Variants in SUMF1 observed in about 807,000 individuals in gnomAD.
The protein encoded by SUMF1 is formylglycine-generating enzyme.
A neutral mutation model predicts 47.6 loss-of-function variants in SUMF1; 48 were observed. The ratio of observed to expected loss-of-function variants is 1.01; its 90% CI spans 0.80 to 1.28. The LOEUF (loss-of-function observed/expected upper bound fraction) is 1.28, where lower values mean the gene tolerates loss of function less well. Ranked by LOEUF, SUMF1 falls within the 50% of genes most tolerant of loss-of-function variation. The pLI, the probability that SUMF1 is intolerant of heterozygous loss-of-function variation, is 0.00. For missense variants in SUMF1, 571 were observed against 485.4 expected (o/e 1.18, Z -1.66); for synonymous variants, 230 against 192.1 (o/e 1.20, Z -1.63).
At chr3:4,350,825 T>C (rs755169608) in intron 8 of SUMF1, among the ~76,000 whole-genome samples, 7 of 152,088 alleles carry the variant, frequency 4.6e-5, no homozygotes, top group Non-Finnish European at 1.0e-4. Context: ...CTGTTTCACC[T>C]ATGGAATAAA....
chr3:4,280,912 T>C (rs1319475868), intron 8 of SUMF1, among the ~76,000 whole-genome samples: 2 of 151,566 alleles, frequency 1.3e-5, no homozygotes, highest in Non-Finnish European at 2.9e-5. Flanking sequence ...GGCACAGTCA[T>C]GTTGGATTAG....
chr3:4,201,766 C>T (rs1468959901), intron 8 of SUMF1, among the ~76,000 whole-genome samples: 1 of 151,944 alleles, frequency 6.6e-6, no homozygotes. Context: ...ACCAACAGTA[C>T]GAGGGTTCCC....
intron 8 of SUMF1, among the ~76,000 whole-genome samples, chr3:4,159,472 CTTTTG>C (rs1694527086): frequency 2.0e-5 from 3 of 150,884 alleles, no homozygotes; most frequent in Admixed American, 1.3e-4. Flanking sequence ...AGTTTTAAAC[CTTTTG>C]TTTTTTCTAT....
intron 3 of SUMF1, among the ~76,000 whole-genome samples, chr3:4,442,887 G>A (rs779364744): frequency 5.3e-5 from 8 of 151,484 alleles, no homozygotes. Context: ...TCTATAAGAA[G>A]TAAGAGAAGA....
rs1333609299 is a variant in SUMF1 at position 4,332,999 on chromosome 3, A to C, written c.1014+43331T>G. On this transcript the variant is annotated intron_variant and NMD_transcript_variant, in intron 8 of 12. Coordinates refer to the SUMF1 transcript ENST00000448413. Reference sequence around the variant, plus strand: ...GGGAGAATCGGCCACTGGATGGCCAAACTCCAGGGGAAGATTATCTTCACA... The same window carrying C: ...GGGAGAATCGGCCACTGGATGGCCACACTCCAGGGGAAGATTATCTTCACA... Among the ~76,000 whole-genome samples the C allele has an allele frequency of 2.0e-5, 3 of 152,140 alleles. No homozygotes were observed. The East Asian group carries it at 5.8e-4, about 29-fold the overall frequency.
chr3:4,371,590 C>A (rs1220612344), intron 8 of SUMF1, among the ~76,000 whole-genome samples: 3 of 152,186 alleles, frequency 2.0e-5, no homozygotes, highest in African/African-American at 7.2e-5. Context: ...ACTCCTTTTG[C>A]TCTTCATCTT....
At chr3:4,339,759 T>C (rs1462998470) in intron 8 of SUMF1, among the ~76,000 whole-genome samples, 1 of 152,076 alleles carries the variant, frequency 6.6e-6, no homozygotes, top group Non-Finnish European at 1.5e-5. Flanking sequence ...TTTGCACCCA[T>C]CCAAATCACC....
At chr3:4,127,756 G>A (rs1693688624) in intron 8 of SUMF1, among the ~76,000 whole-genome samples, 1 of 152,090 alleles carries the variant, frequency 6.6e-6, no homozygotes, top group Non-Finnish European at 1.5e-5. Flanking sequence ...GGTACCAGGA[G>A]TATTTCTAGA....
At chr3:4,263,371 G>A (rs1052985552) in intron 8 of SUMF1, among the ~76,000 whole-genome samples, 1 of 152,180 alleles carries the variant, frequency 6.6e-6, no homozygotes, top group Non-Finnish European at 1.5e-5. Context: ...GTAAAGGTGT[G>A]TGATGTTTTC....
chr3:4,447,402 C>G (rs1575234476), intron 3 of SUMF1, among the ~76,000 whole-genome samples: 1 of 152,112 alleles, frequency 6.6e-6, no homozygotes, highest in African/African-American at 2.4e-5. Context: ...AGATTCAGGT[C>G]TTTCTTTCTA....
intron 2 of SUMF1, among the ~76,000 whole-genome samples, chr3:4,450,457 C>A (rs1702931390): frequency 1.3e-5 from 2 of 152,118 alleles, no homozygotes; most frequent in African/African-American, 4.8e-5. Context: ...TTTCTTCACC[C>A]CTAATCTTCT....
chr3:4,176,022 GA>G (rs1479937288), intron 8 of SUMF1, among the ~76,000 whole-genome samples: 2 of 152,172 alleles, frequency 1.3e-5, no homozygotes, highest in Admixed American at 6.5e-5. Flanking sequence ...AAGCCTCCAA[GA>G]AATATGGGAC....
intron 8 of SUMF1, among the ~76,000 whole-genome samples, chr3:4,082,868 A>C (rs1692596771): frequency 6.6e-6 from 1 of 152,136 alleles, no homozygotes; most frequent in African/African-American, 2.4e-5. Flanking sequence ...AAGTTAAGTC[A>C]ATCTATTTTA....
rs1157139767 is a variant in SUMF1 at position 4,367,879 on chromosome 3, A to C, written c.1015-5625T>G. On this transcript the variant is annotated intron_variant, in intron 8 of 8. Transcript: ENST00000272902. ...TAAACGTTAGACCTAAAGCCATAAA[A>C]ACTCTAGAAGAAAACCTAGGCATTA... Among the ~76,000 whole-genome samples, 18 of 151,958 alleles carry C rather than the reference A, an allele frequency of 1.2e-4. No homozygotes were observed. The South Asian group carries it at 3.8e-3, about 32-fold the overall frequency.
At chr3:4,346,701 A>T (rs1383683234) in intron 8 of SUMF1, among the ~76,000 whole-genome samples, 1 of 150,152 alleles carries the variant, frequency 6.7e-6, no homozygotes, top group Non-Finnish European at 1.5e-5. Flanking sequence ...AAGATGAGAT[A>T]GAGACACAAA....
intron 3 of SUMF1, among the ~76,000 whole-genome samples, chr3:4,440,527 G>A (rs986620312): frequency 2.6e-5 from 4 of 152,112 alleles, no homozygotes; most frequent in South Asian, 4.1e-4. Context: ...TAGAGTTGTC[G>A]TGCAGTTGTG....
chr3:4,144,793 T>C (rs189691455), intron 8 of SUMF1, among the ~76,000 whole-genome samples: 5 of 152,282 alleles, frequency 3.3e-5, no homozygotes, highest in African/African-American at 4.8e-5. Context: ...ATTTTGATTT[T>C]TGAAAAACAG....
At chr3:4,174,077 C>A (rs1253575930) in intron 8 of SUMF1, among the ~76,000 whole-genome samples, 1 of 151,972 alleles carries the variant, frequency 6.6e-6, no homozygotes, top group Non-Finnish European at 1.5e-5. Flanking sequence ...GTTACCCAGG[C>A]CAGGCACGGT....
chr3:4,167,093 G>T (rs1379569105), intron 8 of SUMF1, among the ~76,000 whole-genome samples: 1 of 152,030 alleles, frequency 6.6e-6, no homozygotes, highest in African/African-American at 2.4e-5. Context: ...TCTGGAGTTG[G>T]TTCCTTCTGG....
Sources: gnomAD v4.1 joint callset for allele counts (sites outside exome capture counted in the v4.1 genomes callset) on GRCh38, gnomAD v4.1.1 for gene constraint, MANE v1.5 for transcripts, NCBI Gene and HGNC (gene_info 2026-07-23, HGNC 2026-07-21) for gene names.